The following RAPGEF4 variants were observed in gnomAD, a reference collection of about 807,000 sequenced individuals.
RAPGEF4 encodes the protein RAP guanine-nucleotide-exchange factor (GEF) 4.
A neutral mutation model predicts 147.9 loss-of-function variants in RAPGEF4; 66 were observed. The observed-to-expected ratio is 0.45, with a 90% confidence interval of 0.37 to 0.55. The LOEUF is 0.55. RAPGEF4 is among the 20% of genes least tolerant of loss of function. RAPGEF4 has a pLI of 0.00. For missense variants in RAPGEF4, 1,071 were observed against 1,257.3 expected (o/e 0.85, Z 2.24); for synonymous variants, 419 against 442.7 (o/e 0.95, Z 0.67).
intron 1 of RAPGEF4, among the ~76,000 whole-genome samples, chr2:172,789,619 T>A (rs1685599135): frequency 2.6e-5 from 4 of 152,206 alleles, no homozygotes; most frequent in Admixed American, 2.6e-4. Context: ...TAACTCTTCA[T>A]TTCCCTTTCA....
intron 4 of RAPGEF4, among the ~76,000 whole-genome samples, chr2:172,848,516 A>G (rs931498373): frequency 6.6e-6 from 1 of 152,218 alleles, no homozygotes; most frequent in African/African-American, 2.4e-5. Flanking sequence ...TGTCATCTGC[A>G]TATTTTGAAA....
intron 4 of RAPGEF4, among the ~76,000 whole-genome samples, chr2:172,884,100 C>T (rs899987770): frequency 4.6e-5 from 7 of 152,168 alleles, no homozygotes; most frequent in Non-Finnish European, 8.8e-5. Context: ...CCTCTGATGA[C>T]AGTGTTTAAA....
At chr2:172,772,332 T>C (rs1464720338) in intron 1 of RAPGEF4, among the ~76,000 whole-genome samples, 1 of 150,748 alleles carries the variant, frequency 6.6e-6, no homozygotes, top group East Asian at 1.9e-4. Context: ...TTATTTATAT[T>C]ATTTTATTAT....
At chr2:172,912,521 G>A (rs1173981250) in intron 4 of RAPGEF4, among the ~76,000 whole-genome samples, 1 of 152,176 alleles carries the variant, frequency 6.6e-6, no homozygotes, top group African/African-American at 2.4e-5. Flanking sequence ...TCCTGCCAAT[G>A]CCCTATATTT....
chr2:173,024,812 T>G (rs1354777508), intron 23 of RAPGEF4, among the ~76,000 whole-genome samples: 1 of 152,216 alleles, frequency 6.6e-6, no homozygotes, highest in Non-Finnish European at 1.5e-5. Context: ...CCTAATCTGG[T>G]ACACGAAGAT....
chr2:173,030,503 A>C (rs1385077625), intron 26 of RAPGEF4, among the ~76,000 whole-genome samples: 1 of 152,240 alleles, frequency 6.6e-6, no homozygotes, highest in East Asian at 1.9e-4. Context: ...TATGCAATGT[A>C]AATAAAAATA....
chr2:172,827,291 C>T (rs1045215753), intron 4 of RAPGEF4, among the ~76,000 whole-genome samples: 1 of 152,028 alleles, frequency 6.6e-6, no homozygotes, highest in Non-Finnish European at 1.5e-5. Flanking sequence ...AATCCATCTC[C>T]CCTGAATTCC....
chr2:172,984,344 T>A (rs1692005419), intron 11 of RAPGEF4, among the ~76,000 whole-genome samples: 1 of 152,226 alleles, frequency 6.6e-6, no homozygotes, highest in Non-Finnish European at 1.5e-5. Context: ...AAAAGTGGTG[T>A]TCTGCTACCT....
At chr2:172,779,514 G>C (rs559475249) in intron 1 of RAPGEF4, among the ~76,000 whole-genome samples, 1 of 152,212 alleles carries the variant, frequency 6.6e-6, no homozygotes, top group Non-Finnish European at 1.5e-5. Flanking sequence ...GGAGAAGTGG[G>C]AGTAAGAGGA....
chr2:172,983,677 G>T, intron 11 of RAPGEF4, 97 bp downstream of exon 11: 9 of 1,501,886 alleles, frequency 6.0e-6, no homozygotes, highest in Non-Finnish European at 8.0e-6. Context: ...GGGAAAGAAT[G>T]TCTGATTTTC....
chr2:172,749,694 T>G (rs1384941695), intron 1 of RAPGEF4, among the ~76,000 whole-genome samples: 1 of 152,242 alleles, frequency 6.6e-6, no homozygotes. Flanking sequence ...TATGCAAATT[T>G]CTGCAGCCAG....
intron 10 of RAPGEF4, among the ~76,000 whole-genome samples, chr2:172,970,182 C>CTTTTT (rs71018527): frequency 7.1e-6 from 1 of 140,062 alleles, no homozygotes; most frequent in African/African-American, 2.6e-5. Context: ...CACACACACC[C>CTTTTT]TTTTTTTTTT....
intron 21 of RAPGEF4, 35 bp downstream of exon 21, chr2:173,017,539 T>C: frequency 6.4e-7 from 1 of 1,555,016 alleles, no homozygotes; most frequent in Non-Finnish European, 8.9e-7. Context: ...CGTAGTTGTA[T>C]AGATTATTTA....
chr2:173,031,385 C>G (rs1219673777), intron 26 of RAPGEF4, among the ~76,000 whole-genome samples: 1 of 152,162 alleles, frequency 6.6e-6, no homozygotes, highest in Non-Finnish European at 1.5e-5. Context: ...AAGCACAAAG[C>G]CATAATGCAA....
chr2:173,002,356 A>G (rs112789130), intron 17 of RAPGEF4, among the ~76,000 whole-genome samples: 2 of 152,146 alleles, frequency 1.3e-5, no homozygotes, highest in African/African-American at 2.4e-5. Flanking sequence ...TTGAAGGCCA[A>G]GTTTATTTGG....
chr2:172,815,228 G>A (rs1688387548), intron 4 of RAPGEF4, among the ~76,000 whole-genome samples: 1 of 152,194 alleles, frequency 6.6e-6, no homozygotes, highest in Admixed American at 6.5e-5. Flanking sequence ...TCCCAGTGTG[G>A]CTAAGATTTT....
Position 172,979,676 on chromosome 2 carries a change from T to C in RAPGEF4, c.1005-3820T>C, listed in dbSNP as rs568353771. Among the ~76,000 whole-genome samples the C allele has an allele frequency of 2.7e-4, 41 of 152,338 alleles. No individual in the cohort carries two copies. In the South Asian group the frequency reaches 8.1e-3, roughly 30 times the overall value. ...TAAGCAAATAACATTCGTGACAGTA[T>C]GTTGTAATTACCATAGCAGTAAGAC... On this transcript the variant is annotated intron_variant, in intron 10 of 30. Coordinates refer to ENST00000397081, the MANE Select transcript of RAPGEF4 (RefSeq NM_007023.4).
chr2:172,978,864 A>G (rs559413528), intron 10 of RAPGEF4, among the ~76,000 whole-genome samples: 1 of 152,260 alleles, frequency 6.6e-6, no homozygotes, highest in African/African-American at 2.4e-5. Flanking sequence ...GTCATTTTGC[A>G]TGTTAAAATA....
At chr2:172,756,111 A>G (rs1390049613) in intron 1 of RAPGEF4, among the ~76,000 whole-genome samples, 1 of 152,190 alleles carries the variant, frequency 6.6e-6, no homozygotes, top group African/African-American at 2.4e-5. Context: ...ACTTCATATC[A>G]CTCATTTATT....
Sources: gnomAD v4.1 joint callset for allele counts (sites outside exome capture counted in the v4.1 genomes callset) on GRCh38, gnomAD v4.1.1 for gene constraint, MANE v1.5 for transcripts, NCBI Gene and HGNC (gene_info 2026-07-23, HGNC 2026-07-21) for gene names.